The following DGCR8 variants were observed in gnomAD, a reference collection of about 807,000 sequenced individuals.
The protein encoded by DGCR8 is DGCR8 microprocessor complex subunit, also known as microprocessor complex subunit DGCR8.
Under a neutral mutation model 78.5 loss-of-function variants are expected in DGCR8, and 14 were observed. The ratio of observed to expected loss-of-function variants is 0.18; its 90% CI spans 0.12 to 0.28. The LOEUF (loss-of-function observed/expected upper bound fraction) is 0.28. Ranked by LOEUF, DGCR8 falls within the 10% of genes least tolerant of loss-of-function variation. The probability of loss-of-function intolerance (pLI) is 1.00; values close to 1 mark genes in which losing one functional copy is unlikely to be tolerated. For synonymous variants in DGCR8, 399 were observed against 402.4 expected (o/e 0.99, Z 0.10); for missense variants, 702 against 1,022.5 (o/e 0.69, Z 4.28).
chr22:20,091,608 G>T lies in DGCR8; in HGVS notation c.1480G>T (p.Val494Leu). Residue 494 changes from valine (V) to leucine (L), a missense_variant, in exon 6 of 14, where the codon GTG (valine) becomes TTG (leucine). Val to Leu is a conservative substitution (Grantham distance 32). This residue lies in a region of DGCR8 where 225 missense variants were observed against 427.7 expected (regional missense o/e 0.53). Coordinates refer to ENST00000351989, the MANE Select transcript of DGCR8 (RefSeq NM_022720.7). Reference protein sequence around the residue: ...PANQKLITLSVQDAPTKKEFV... With the variant: ...PANQKLITLSLQDAPTKKEFV... Reference sequence around the variant, plus strand: ...CAATCAGAAGCTCATTACTTTATCAGTGCAAGATGCACCCACAAAGAAAGG... The same window carrying T: ...CAATCAGAAGCTCATTACTTTATCATTGCAAGATGCACCCACAAAGAAAGG... 1 of 1,614,200 alleles carries T rather than the reference G, an allele frequency of 6.2e-7. No homozygotes were observed. The highest frequency in any genetic ancestry group is 1.3e-5 in the African/African-American group (1 of 75,038).
chr22:20,087,336 C>T lies in DGCR8; in HGVS notation c.880+15C>T. On this transcript the variant is annotated intron_variant, in intron 3 of 13. Transcript: ENST00000351989. The surrounding 1 kb of genome is among the most constrained non-coding windows in gnomAD (Gnocchi z 4.1). ...AGTGCTCAAAAGTACGTGTGTGGGTCAGAAGCAGTGGGTGTTCCAGGGCAG... is the reference window on the plus strand; with the variant it reads ...AGTGCTCAAAAGTACGTGTGTGGGTTAGAAGCAGTGGGTGTTCCAGGGCAG... The T allele has an allele frequency of 3.1e-6, 5 of 1,589,366 alleles. No individual in the cohort carries two copies. The highest frequency in any genetic ancestry group is 4.3e-6 in the Non-Finnish European group (5 of 1,162,826).
intron 1 of DGCR8, among the ~76,000 whole-genome samples, chr22:20,082,091 C>G (rs1325681636): frequency 6.7e-6 from 1 of 148,598 alleles, no homozygotes; most frequent in Non-Finnish European, 1.5e-5. Context: ...GAATCTCGCT[C>G]TGTCGCCCAG....
chr22:20,107,140 C>G, intron 11 of DGCR8, 131 bp from the exon 12 acceptor site: 1 of 972,820 alleles, frequency 1.0e-6, no homozygotes. Flanking sequence ...TGGCAGAGTG[C>G]TGCCTATTCC....
intron 6 of DGCR8, 29 bp from the exon 7 acceptor site, chr22:20,091,840 A>G (rs1411152788): frequency 1.2e-6 from 2 of 1,606,294 alleles, no homozygotes; most frequent in Non-Finnish European, 1.7e-6. Context: ...ACTGCTTCAC[A>G]CTTGCTGAGA....
rs150751831 is a variant in DGCR8 at position 20,106,988 on chromosome 22, T to C, written c.1997-283T>C. On this transcript the variant is annotated intron_variant, in intron 11 of 13. Transcript: ENST00000351989. ...CAGCCAGCAGAATCCTGCTGCTCCC[T>C]GTTTCTGGAGGTGTGCGTCTTGGCG... The C allele has an allele frequency of 4.7e-3, 2,716 of 573,112 alleles. 15 individuals carry two copies. Among genetic ancestry groups the C allele is most frequent in the Non-Finnish European group, 6.9e-3 (2,208 of 320,286 alleles). 35.5% of individuals were successfully genotyped at this position (573,112 alleles called of 1,614,324 possible). A position where few individuals can be genotyped will look rare whatever the true frequency, so the allele number is the denominator to read the frequency against.
rs775391184 is a variant in DGCR8, at chr22:20,089,327, G to A, written c.881-342G>A. On this transcript the variant is annotated intron_variant, in intron 3 of 13. Coordinates refer to ENST00000351989, the MANE Select transcript of DGCR8 (RefSeq NM_022720.7). This position sits in a 1 kb window ranked among gnomAD's most constrained non-coding sequence, Gnocchi z 4.9. ...AGCAAAGCTCATCCAGCCCCAAGGC[G>A]CCTCTGGCCACAACCAGACAGGCAG... is the stretch of plus-strand genomic sequence containing the variant. 1.5e-4 allele frequency among the ~76,000 whole-genome samples: 23 copies of A among 152,338 alleles called. No homozygotes were observed. The highest frequency in any genetic ancestry group is 3.1e-4 in the African/African-American group (13 of 41,570).
In DGCR8 at chr22:20,086,884, G is replaced by C. The variant is rs2049491109; in HGVS notation, c.720+201G>C. ...TTTAAAGTTTCCTAATGAAAAGTTT[G>C]GCCCATGGGTAGGCCCTGCATCCCT... is the stretch of plus-strand genomic sequence containing the variant. On this transcript the variant is annotated intron_variant, in intron 2 of 13. Coordinates refer to ENST00000351989, the MANE Select transcript of DGCR8 (RefSeq NM_022720.7). The surrounding 1 kb of genome is among the most constrained non-coding windows in gnomAD (Gnocchi z 6.4). The C allele has an allele frequency of 3.7e-6, 3 of 802,928 alleles. No individual in the cohort carries two copies. The highest frequency in any genetic ancestry group is 5.7e-6 in the Non-Finnish European group (3 of 528,438). The allele number at this position is 802,928 out of a possible 1,614,324, so 49.7% of individuals were successfully genotyped here.
At chr22:20,102,700 A>G (rs1487987675) in intron 9 of DGCR8, among the ~76,000 whole-genome samples, 2 of 152,164 alleles carry the variant, frequency 1.3e-5, no homozygotes, top group African/African-American at 4.8e-5. Context: ...CCTTTTCCTG[A>G]TGCCACACTT....
chr22:20,107,667 A>G (rs2049786535), intron 12 of DGCR8: 2 of 473,794 alleles, frequency 4.2e-6, no homozygotes, highest in Non-Finnish European at 7.8e-6. Flanking sequence ...GAGATGGCCA[A>G]AGTGCAAGGC....
intron 3 of DGCR8, among the ~76,000 whole-genome samples, chr22:20,088,242 G>C (rs1019842131): frequency 1.3e-5 from 2 of 152,312 alleles, no homozygotes; most frequent in Admixed American, 1.3e-4. Flanking sequence ...GACGGTTGCA[G>C]GCAGGGTAAA....
chr22:20,110,265 A>G lies in DGCR8; in HGVS notation c.*157A>G, dbSNP rs1280526516. 1.5e-6 allele frequency: 1 copy of G among 679,694 alleles called. No individual in the cohort carries two copies. Among genetic ancestry groups the G allele is most frequent in the Non-Finnish European group, 2.5e-6 (1 of 405,338 alleles). The allele number at this position is 679,694 out of a possible 1,614,324, so 42.1% of individuals were successfully genotyped here. On this transcript the variant is annotated 3_prime_UTR_variant, in exon 14 of 14. Transcript: ENST00000351989. ...CCTTAGGGTGGAGGCTTTAGTGTAC[A>G]GGGACAGCCATGGCCACACAGCACA...
Position 20,106,701 on chromosome 22 carries a change from A to G in DGCR8, c.1996+3A>G. ...CAAGCACACAGTGCGCGGGTGGTGT[A>G]AGGACTCCTTCTCTGCTGCCTGGTG... On this transcript the variant is annotated splice_donor_region_variant and intron_variant, in intron 11 of 13. Transcript: ENST00000351989. The G allele has an allele frequency of 3.7e-6, 6 of 1,608,646 alleles. No homozygotes were observed. The highest frequency in any genetic ancestry group is 5.1e-6 in the Non-Finnish European group (6 of 1,175,120).
At position 20,094,582 on chromosome 22, in the gene DGCR8, T is replaced by C. The variant is rs144803035; in HGVS notation, c.1706-131T>C. 1.7e-3 allele frequency: 1,283 copies of C among 774,244 alleles called. 6 individuals carry two copies. The highest frequency in any genetic ancestry group is 1.9e-3 in the Non-Finnish European group (874 of 453,934). 48.0% of individuals were successfully genotyped at this position (774,244 alleles called of 1,614,324 possible). On this transcript the variant is annotated intron_variant, in intron 8 of 13. Coordinates refer to ENST00000351989, the MANE Select transcript of DGCR8 (RefSeq NM_022720.7). The stretch of plus-strand genomic sequence containing the variant: ...TCTCCTGACCCTGTCACTGAAGTGC[T>C]GTCTCTCCTCAGGGCCCTCGCTCAG...
chr22:20,084,753 C>T (rs1012495930), intron 1 of DGCR8, among the ~76,000 whole-genome samples: 9 of 152,242 alleles, frequency 5.9e-5, no homozygotes, highest in African/African-American at 1.4e-4. Context: ...TCAACAAGTG[C>T]GGTCAGTTCT....
Position 20,089,364 on chromosome 22 carries a change from A to G in DGCR8, c.881-305A>G, listed in dbSNP as rs952592179. Among the ~76,000 whole-genome samples the G allele has an allele frequency of 6.6e-6, 1 of 152,230 alleles. No individual in the cohort carries two copies. The highest frequency in any genetic ancestry group is 1.5e-5 in the Non-Finnish European group (1 of 68,040). The stretch of plus-strand genomic sequence containing the variant: ...AACCAGACAGGCAGCAAAGGAGTCC[A>G]GTGTCCACAGTGCTTACCAGATGTG... On this transcript the variant is annotated intron_variant, in intron 3 of 13. Transcript: ENST00000351989. This position sits in a 1 kb window ranked among gnomAD's most constrained non-coding sequence, Gnocchi z 4.9.
chr22:20,082,943 C>G (rs1388105239), intron 1 of DGCR8, among the ~76,000 whole-genome samples: 1 of 152,234 alleles, frequency 6.6e-6, no homozygotes, highest in African/African-American at 2.4e-5. Flanking sequence ...ATCTCTCTCA[C>G]TAAGAGCCAA....
intron 1 of DGCR8, chr22:20,084,930 T>G: frequency 1.0e-6 from 1 of 973,058 alleles, no homozygotes; most frequent in Non-Finnish European, 1.2e-6. Flanking sequence ...TCACCTTCAG[T>G]GGCTCCTTAT....
chr22:20,092,000 A>T, intron 7 of DGCR8, 30 bp downstream of exon 7: 2 of 1,565,402 alleles, frequency 1.3e-6, no homozygotes, highest in South Asian at 1.1e-5. Context: ...TTTCAGTCCT[A>T]AAGAATCACA....
At chr22:20,099,019 G>T (rs1329061265) in intron 9 of DGCR8, among the ~76,000 whole-genome samples, 1 of 152,184 alleles carries the variant, frequency 6.6e-6, no homozygotes, top group Non-Finnish European at 1.5e-5. Context: ...TTAGCTGAGT[G>T]GTCTCCTGAT....
Sources: gnomAD v4.1 joint callset for allele counts (sites outside exome capture counted in the v4.1 genomes callset) on GRCh38, gnomAD v4.1.1 for gene constraint, gnomAD v4.1.1 regional missense constraint, Gnocchi (gnomAD v3.1) non-coding constraint, MANE v1.5 for transcripts, NCBI Gene and HGNC (gene_info 2026-07-23, HGNC 2026-07-21) for gene names.